The following EPM2A variants were observed in gnomAD, a reference collection of about 807,000 sequenced individuals.
EPM2A encodes EPM2A glucan phosphatase, laforin.
EPM2A carries 21 observed loss-of-function variants against 26.5 expected under a neutral mutation model. That is an observed-to-expected ratio of 0.79 (90% CI 0.56 to 1.14). The LOEUF (loss-of-function observed/expected upper bound fraction) is 1.14. EPM2A is among the 50% of genes most tolerant of loss of function. The pLI, the probability that EPM2A is intolerant of heterozygous loss-of-function variation, is 0.00. For missense variants in EPM2A, 458 were observed against 440.8 expected (o/e 1.04, Z -0.35); for synonymous variants, 217 against 177.6 (o/e 1.22, Z -1.76).
intron 2 of EPM2A, chr6:145,636,648 G>A (rs964588360): frequency 7.7e-6 from 1 of 129,304 alleles, no homozygotes; most frequent in Non-Finnish European, 1.5e-5. Context: ...AAAAGAAGCT[G>A]GCGCAGTGGC....
chr6:145,716,588 G>A (rs556059438), intron 1 of EPM2A, among the ~76,000 whole-genome samples: 6 of 152,134 alleles, frequency 3.9e-5, no homozygotes. Context: ...CTATCCTGGA[G>A]TGGCCGCCCC....
At chr6:145,604,021 GC>G (rs1373839346) in intron 2 of EPM2A, among the ~76,000 whole-genome samples, 4 of 151,934 alleles carry the variant, frequency 2.6e-5, no homozygotes, top group African/African-American at 4.8e-5. Context: ...AAAACAAAAG[GC>G]CTTTGGGGTA....
intron 4 of EPM2A, among the ~76,000 whole-genome samples, chr6:145,467,553 ATT>A (rs1562346751): frequency 6.6e-6 from 1 of 152,062 alleles, no homozygotes; most frequent in African/African-American, 2.4e-5. Flanking sequence ...ACTTTTTGAT[ATT>A]TTCAAAATAG....
chr6:145,486,541 G>A (rs879614008), intron 4 of EPM2A, among the ~76,000 whole-genome samples: 4 of 151,920 alleles, frequency 2.6e-5, no homozygotes, highest in South Asian at 2.1e-4. Context: ...CATTAATCTC[G>A]GGACTTGTTC....
intron 4 of EPM2A, among the ~76,000 whole-genome samples, chr6:145,389,194 C>T (rs1778304689): frequency 6.6e-6 from 1 of 150,936 alleles, no homozygotes; most frequent in East Asian, 1.9e-4. Context: ...AAGCATTCAT[C>T]ATCTTTTTTT....
chr6:145,479,072 G>C (rs1238255602), intron 4 of EPM2A, among the ~76,000 whole-genome samples: 1 of 151,130 alleles, frequency 6.6e-6, no homozygotes, highest in African/African-American at 2.4e-5. Context: ...TTAAGTTTTT[G>C]TCTTTACTGA....
At chr6:145,611,310 A>G (rs2128552119) in intron 2 of EPM2A, among the ~76,000 whole-genome samples, 1 of 152,208 alleles carries the variant, frequency 6.6e-6, no homozygotes, top group Non-Finnish European at 1.5e-5. Flanking sequence ...CTATTTAAAT[A>G]TCTAGATAAG....
At chr6:145,614,195 A>T (rs768507332) in intron 2 of EPM2A, among the ~76,000 whole-genome samples, 3 of 152,192 alleles carry the variant, frequency 2.0e-5, no homozygotes, top group Non-Finnish European at 4.4e-5. Context: ...CTCATCAACC[A>T]ACCTCTGCTA....
chr6:145,548,789 T>C (rs1178716286), intron 2 of EPM2A, among the ~76,000 whole-genome samples: 1 of 152,128 alleles, frequency 6.6e-6, no homozygotes, highest in East Asian at 1.9e-4. Context: ...TCACTCACTT[T>C]GCTTGCTCTA....
chr6:145,447,953 A>G (rs2114706331), intron 4 of EPM2A, among the ~76,000 whole-genome samples: 1 of 152,238 alleles, frequency 6.6e-6, no homozygotes, highest in South Asian at 2.1e-4. Flanking sequence ...AAGACATCAA[A>G]CTGGTAGGAC....
At chr6:145,663,695 T>C (rs1256869670) in intron 2 of EPM2A, among the ~76,000 whole-genome samples, 1 of 139,132 alleles carries the variant, frequency 7.2e-6, no homozygotes, top group Non-Finnish European at 1.6e-5. Flanking sequence ...GAAGAGCAAC[T>C]CCAAGACACA....
rs201307634 is a variant in EPM2A at position 145,564,773 on chromosome 6, T to TG, written c.341-62199dup. Among the ~76,000 whole-genome samples the TG allele has an allele frequency of 8.6e-3, 225 of 26,276 alleles. 1 individual carries two copies. The highest frequency in any genetic ancestry group is 0.026 in the Admixed American group (83 of 3,140). 17.2% of individuals were successfully genotyped at this position (26,276 alleles called of 152,430 possible). On this transcript the variant is annotated intron_variant, in intron 2 of 3. Transcript: ENST00000450221. Reference sequence around the variant, plus strand: ...ATACACAGATCTTGTGGGTATATGGTGGGGGGGGGCAGGGGGTGTGGAGGG... The same window carrying TG: ...ATACACAGATCTTGTGGGTATATGGTGGGGGGGGGGCAGGGGGTGTGGAGGG...
intron 2 of EPM2A, among the ~76,000 whole-genome samples, chr6:145,641,946 A>C (rs1254689745): frequency 6.6e-6 from 1 of 152,152 alleles, no homozygotes; most frequent in African/African-American, 2.4e-5. Flanking sequence ...AATGAACCTC[A>C]ATGAAGAATC....
chr6:145,622,949 A>C (rs1775668867), downstream of EPM2A, among the ~76,000 whole-genome samples: 1 of 152,218 alleles, frequency 6.6e-6, no homozygotes. Flanking sequence ...TTGCCTCAGA[A>C]TAAGTTCACC....
intron 2 of EPM2A, among the ~76,000 whole-genome samples, chr6:145,536,405 C>T (rs1384410258): frequency 2.0e-5 from 3 of 152,122 alleles, no homozygotes; most frequent in Non-Finnish European, 4.4e-5. Flanking sequence ...AAGCAAGTCT[C>T]CTGCCTCAGC....
At chr6:145,400,546 C>T (rs1436644517) in intron 4 of EPM2A, among the ~76,000 whole-genome samples, 1 of 152,128 alleles carries the variant, frequency 6.6e-6, no homozygotes, top group Non-Finnish European at 1.5e-5. Context: ...TAAGAGACCA[C>T]TGACTATGGA....
chr6:145,422,478 T>TA (rs56324645), intron 4 of EPM2A, among the ~76,000 whole-genome samples: 147,270 of 147,942 alleles, frequency 1, 73,302 homozygotes, highest in East Asian at 1. Flanking sequence ...TAATCTTTTG[T>TA]AAAAAAAAAA....
At chr6:145,578,088 C>T (rs1781059779) in intron 2 of EPM2A, among the ~76,000 whole-genome samples, 1 of 151,832 alleles carries the variant, frequency 6.6e-6, no homozygotes, top group South Asian at 2.1e-4. Context: ...TAAATGTCAA[C>T]ATCAAAAAAG....
At chr6:145,474,944 G>A (rs539618838) in intron 4 of EPM2A, among the ~76,000 whole-genome samples, 2 of 152,224 alleles carry the variant, frequency 1.3e-5, no homozygotes, top group East Asian at 3.9e-4. Context: ...AGTTAGAATG[G>A]CAATCATTAA....
Sources: gnomAD v4.1 joint callset for allele counts (sites outside exome capture counted in the v4.1 genomes callset) on GRCh38, gnomAD v4.1.1 for gene constraint, MANE v1.5 for transcripts, NCBI Gene and HGNC (gene_info 2026-07-23, HGNC 2026-07-21) for gene names.